The following DMD variants were observed in gnomAD, a reference collection of about 807,000 sequenced individuals.
DMD encodes mutant dystrophin.
Under a neutral mutation model 330.1 loss-of-function variants are expected in DMD, and 63 were observed. That is an observed-to-expected ratio of 0.19 (90% confidence interval 0.16 to 0.24). DMD has a LOEUF of 0.24. DMD is among the 10% of genes least tolerant of loss of function. The pLI is 1.00. For synonymous variants in DMD, 1,223 were observed against 959.8 expected, an observed-to-expected ratio of 1.27 and a Z score of -5.07; for missense variants, 3,344 against 2,684.1, an observed-to-expected ratio of 1.25 and a Z score of -5.43.
chrX:32,085,617 C>A (rs781002263), intron 44 of DMD, among the ~76,000 whole-genome samples: 4 of 85,274 alleles, frequency 4.7e-5, no homozygotes, highest in African/African-American at 1.9e-4. Context: ...TATATATATA[C>A]GTATATATAT....
At chrX:31,283,275 T>C (rs1173815640) in intron 62 of DMD, among the ~76,000 whole-genome samples, 2 of 110,896 alleles carry the variant, frequency 1.8e-5, no homozygotes, top group African/African-American at 3.3e-5. Context: ...TGAATGGTTA[T>C]GTTTGTTTGC....
intron 2 of DMD, among the ~76,000 whole-genome samples, chrX:32,858,512 T>C (rs1422034866): frequency 9.0e-6 from 1 of 111,100 alleles, no homozygotes; most frequent in Non-Finnish European, 1.9e-5. Context: ...GTATTTTTAG[T>C]AGAGACGGGG....
At chrX:31,410,765 A>C (rs1304430878) in intron 60 of DMD, among the ~76,000 whole-genome samples, 1 of 108,915 alleles carries the variant, frequency 9.2e-6, no homozygotes, top group African/African-American at 3.3e-5. Flanking sequence ...ATGAGATGGA[A>C]TCTCACTCTG....
At chrX:32,717,224 C>A (rs73458816) in intron 7 of DMD, among the ~76,000 whole-genome samples, 4,861 of 111,298 alleles carry the variant, frequency 0.044, 251 homozygotes, top group African/African-American at 0.14. Flanking sequence ...GCAGCCCCTC[C>A]TATCACAGGT....
At chrX:31,765,935 C>T (rs2089965304) in intron 51 of DMD, among the ~76,000 whole-genome samples, 2 of 110,850 alleles carry the variant, frequency 1.8e-5, no homozygotes, top group Admixed American at 9.6e-5. Flanking sequence ...ATATACCTAA[C>T]ATTAACATTA....
chrX:32,655,962 C>G (rs996050362), intron 9 of DMD, among the ~76,000 whole-genome samples: 12 of 106,999 alleles, frequency 1.1e-4, no homozygotes, highest in African/African-American at 4.1e-4. Flanking sequence ...GGATTGCAAC[C>G]CCTGCCTTTT....
In DMD at chrX:31,773,895, T is replaced by C. The variant is rs772059254; in HGVS notation, c.7542+65A>G. On this transcript the variant is annotated intron_variant, in intron 51 of 78. Transcript: ENST00000357033. The stretch of plus-strand genomic sequence containing the variant: ...TGGGAAATGGTCTAGGAGAGTAAAG[T>C]GATTGGTGGAAAATCTTCATTTTAA... The C allele has an allele frequency of 6.9e-5, 70 of 1,008,894 alleles. No homozygotes were observed. In the South Asian group the frequency reaches 1.3e-3, roughly 19 times the overall value. The allele number at this position is 1,008,894 out of a possible 1,213,427, so 83.1% of individuals were successfully genotyped here.
At chrX:32,805,478 C>T (rs184430689) in intron 7 of DMD, among the ~76,000 whole-genome samples, 3 of 111,675 alleles carry the variant, frequency 2.7e-5, no homozygotes, top group Non-Finnish European at 3.8e-5. Flanking sequence ...AAGACAAAAC[C>T]TAAGTTTGAT....
intron 18 of DMD, among the ~76,000 whole-genome samples, chrX:32,507,997 T>G (rs1050144337): frequency 9.1e-6 from 1 of 109,859 alleles, no homozygotes; most frequent in African/African-American, 3.3e-5. Context: ...TTCAAAAAGG[T>G]GTGAGCGTAT....
chrX:31,657,886 G>T, intron 54 of DMD, 104 bp downstream of exon 54: 1 of 882,689 alleles, frequency 1.1e-6, no homozygotes, highest in Non-Finnish European at 1.7e-6. Flanking sequence ...ACCCTCCCAA[G>T]CTCCAGTTTA....
chrX:31,669,005 T>A (rs2081590540), intron 53 of DMD, among the ~76,000 whole-genome samples: 2 of 112,506 alleles, frequency 1.8e-5, no homozygotes, highest in South Asian at 3.6e-4. Flanking sequence ...TATCCATTCA[T>A]CCACTGATGG....
At chrX:32,537,676 C>T (rs186417683) in intron 17 of DMD, among the ~76,000 whole-genome samples, 1 of 111,331 alleles carries the variant, frequency 9.0e-6, no homozygotes, top group East Asian at 2.9e-4. Context: ...ATCAGGAGTC[C>T]GTAAGGGAAT....
intron 34 of DMD, among the ~76,000 whole-genome samples, chrX:32,365,826 A>G (rs1234887050): frequency 2.7e-5 from 3 of 111,947 alleles, no homozygotes; most frequent in Non-Finnish European, 5.6e-5. Flanking sequence ...GATAATTTCA[A>G]TGTAGTGATG....
At chrX:32,807,166 A>T (rs867292849) in intron 7 of DMD, among the ~76,000 whole-genome samples, 52 of 98,602 alleles carry the variant, frequency 5.3e-4, no homozygotes, top group African/African-American at 1.8e-3. Context: ...CAAATCCAGG[A>T]GGTGTTTTTT....
At chrX:33,284,099 G>A (rs940908030) in intron 1 of DMD, among the ~76,000 whole-genome samples, 1 of 110,394 alleles carries the variant, frequency 9.1e-6, no homozygotes, top group Non-Finnish European at 1.9e-5. Flanking sequence ...ATGAGTACAT[G>A]ACTATAATTT....
chrX:33,171,405 A>G (rs1216115239), intron 1 of DMD, among the ~76,000 whole-genome samples: 1 of 111,486 alleles, frequency 9.0e-6, no homozygotes, highest in Non-Finnish European at 1.9e-5. Context: ...GACTTGTCCT[A>G]CATTTACTGA....
At position 31,375,593 on chromosome X, in the gene DMD, G is replaced by A. The variant is rs188037155; in HGVS notation, c.9085-26959C>T. ...GATACTTGAGGACATTATGCTACGTGAAATAAGCCAGTCCAAAAAGGAACA... is the reference window on the plus strand; with the variant it reads ...GATACTTGAGGACATTATGCTACGTAAAATAAGCCAGTCCAAAAAGGAACA... On this transcript the variant is annotated intron_variant, in intron 60 of 78. Transcript: ENST00000357033. Among the ~76,000 whole-genome samples the A allele has an allele frequency of 4.3e-4, 48 of 111,844 alleles. No individual in the cohort carries two copies. In the East Asian group the frequency reaches 0.013, roughly 30 times the overall value.
At chrX:31,380,450 C>T (rs1364023302) in intron 60 of DMD, among the ~76,000 whole-genome samples, 9 of 110,090 alleles carry the variant, frequency 8.2e-5, no homozygotes, top group Non-Finnish European at 7.6e-5. Flanking sequence ...CCTTACCATC[C>T]CATTAAAACC....
intron 4 of DMD, among the ~76,000 whole-genome samples, chrX:32,840,146 C>T (rs1467309365): frequency 8.9e-6 from 1 of 112,068 alleles, no homozygotes; most frequent in Non-Finnish European, 1.9e-5. Flanking sequence ...TCTTATGCAG[C>T]TCCCCATTAA....
Sources: gnomAD v4.1 joint callset for allele counts (sites outside exome capture counted in the v4.1 genomes callset) on GRCh38, gnomAD v4.1.1 for gene constraint, MANE v1.5 for transcripts, NCBI Gene and HGNC (gene_info 2026-07-23, HGNC 2026-07-21) for gene names.